RBBP8: variants seen among roughly 807,000 people sequenced by gnomAD.
The protein encoded by RBBP8 is DNA endonuclease RBBP8.
Under a neutral mutation model 108.3 loss-of-function variants are expected in RBBP8, and 88 were observed. That is an observed-to-expected ratio of 0.81 (90% CI 0.68 to 0.97). The LOEUF is 0.97. RBBP8 is among the 50% of genes least tolerant of loss of function. The pLI is 0.00. For missense variants in RBBP8, 1,023 were observed against 1,049.0 expected, an observed-to-expected ratio of 0.98 and a Z score of 0.34; for synonymous variants, 332 against 348.2, an observed-to-expected ratio of 0.95 and a Z score of 0.52.
intron 3 of RBBP8, among the ~76,000 whole-genome samples, chr18:22,926,958 T>C (rs1255715409): frequency 6.6e-6 from 1 of 152,208 alleles, no homozygotes; most frequent in African/African-American, 2.4e-5. Context: ...ACTCAAATCA[T>C]AAACAAAACA....
chr18:22,918,223 T>G (rs1188445767), intron 3 of RBBP8, among the ~76,000 whole-genome samples: 2 of 152,170 alleles, frequency 1.3e-5, no homozygotes, highest in African/African-American at 4.8e-5. Context: ...CATGGATAAT[T>G]CAAATTATAA....
chr18:22,925,044 T>A (rs1425537695), intron 3 of RBBP8, among the ~76,000 whole-genome samples: 1 of 152,048 alleles, frequency 6.6e-6, no homozygotes, highest in Non-Finnish European at 1.5e-5. Flanking sequence ...TGAACCCAGC[T>A]AGATTTATTT....
chr18:22,994,198 T>C (rs1005960162), intron 12 of RBBP8, among the ~76,000 whole-genome samples: 1 of 149,214 alleles, frequency 6.7e-6, no homozygotes, highest in Non-Finnish European at 1.5e-5. Context: ...TTTTTTTTTG[T>C]ATTTTTAGTA....
chr18:23,012,208 C>CAAAAAA (rs56096515), intron 16 of RBBP8, among the ~76,000 whole-genome samples: 1 of 109,620 alleles, frequency 9.1e-6, no homozygotes. Context: ...ATGCTGTCTC[C>CAAAAAA]AAAAAAAAAA....
At chr18:23,007,240 C>T (rs899101896) in intron 16 of RBBP8, among the ~76,000 whole-genome samples, 11 of 151,100 alleles carry the variant, frequency 7.3e-5, no homozygotes, top group Non-Finnish European at 1.6e-4. Flanking sequence ...AGGCTGGTCT[C>T]GAACTCCTGA....
At chr18:22,957,724 C>G (rs1466378974) in intron 4 of RBBP8, among the ~76,000 whole-genome samples, 2 of 152,118 alleles carry the variant, frequency 1.3e-5, no homozygotes, top group Non-Finnish European at 2.9e-5. Context: ...GAAACAGGAG[C>G]TAGCACATTT....
At chr18:22,923,695 C>A (rs1359370642) in intron 3 of RBBP8, among the ~76,000 whole-genome samples, 1 of 152,134 alleles carries the variant, frequency 6.6e-6, no homozygotes, top group East Asian at 1.9e-4. Context: ...TGGTTATATG[C>A]CAGCACTGAC....
intron 8 of RBBP8, among the ~76,000 whole-genome samples, chr18:22,985,342 T>C (rs1220972559): frequency 6.6e-6 from 1 of 152,192 alleles, no homozygotes; most frequent in Non-Finnish European, 1.5e-5. Flanking sequence ...ATAAAATTTA[T>C]GTCAGATAGA....
intron 2 of RBBP8, among the ~76,000 whole-genome samples, chr18:22,944,292 C>G (rs545277502): frequency 6.6e-6 from 1 of 152,300 alleles, no homozygotes; most frequent in East Asian, 1.9e-4. Context: ...AGTAGTTCTT[C>G]CCCTGTTTCC....
At chr18:23,022,646 T>TAAATAAAATAAAATAAAA (rs1437856449) in intron 18 of RBBP8, among the ~76,000 whole-genome samples, 1 of 29,088 alleles carries the variant, frequency 3.4e-5, no homozygotes, top group African/African-American at 9.1e-5. Context: ...ATAAATAAAA[T>TAAATAAAATAAAATAAAA]ACAATATAAA....
chr18:22,923,067 ATC>A (rs1909660326), intron 3 of RBBP8, among the ~76,000 whole-genome samples: 1 of 152,188 alleles, frequency 6.6e-6, no homozygotes, highest in Non-Finnish European at 1.5e-5. Context: ...CATTGAAGAG[ATC>A]TGATTAGCTG....
rs187876642 is a variant in RBBP8 at position 23,007,835 on chromosome 18, G to A, written c.2357+1403G>A. On this transcript the variant is annotated intron_variant, in intron 16 of 18. Coordinates refer to ENST00000327155, the MANE Select transcript of RBBP8 (RefSeq NM_002894.3). ...TTTTTTTGGTTTTTTTTTTTGAAAT[G>A]GAGTTTCGCTCTGGTTGCCCAGGCT... is the stretch of plus-strand genomic sequence containing the variant. Among the ~76,000 whole-genome samples, 667 of 148,688 alleles carry A rather than the reference G, an allele frequency of 4.5e-3. 4 individuals carry two copies. The highest frequency in any genetic ancestry group is 7.8e-3 in the Non-Finnish European group (525 of 67,252).
At chr18:22,964,279 G>A (rs189416370) in intron 4 of RBBP8, among the ~76,000 whole-genome samples, 2 of 151,366 alleles carry the variant, frequency 1.3e-5, no homozygotes, top group Admixed American at 6.6e-5. Context: ...TCTTCTGAAC[G>A]CTTATGGGCT....
In RBBP8 at chr18:22,994,857, C is replaced by G. The variant is rs549603522; in HGVS notation, c.1939+1010C>G. ...CCTCCCATCTCAGCCCCCTGGATAG[C>G]TGGGACTACAAGCATGCACCACCAC... On this transcript the variant is annotated intron_variant, in intron 12 of 18. Transcript: ENST00000327155. Among the ~76,000 whole-genome samples the G allele has an allele frequency of 1.5e-3, 231 of 151,838 alleles. 1 individual carries two copies. The highest frequency in any genetic ancestry group is 5.2e-3 in the African/African-American group (214 of 41,408).
rs1281127281 is a variant in RBBP8 at position 22,991,059 on chromosome 18, G to A, written c.920+10G>A. The A allele has an allele frequency of 1.3e-6, 2 of 1,580,590 alleles. No homozygotes were observed. The highest frequency in any genetic ancestry group is 1.7e-6 in the Non-Finnish European group (2 of 1,151,648). On this transcript the variant is annotated intron_variant, in intron 10 of 18. Coordinates refer to ENST00000327155, the MANE Select transcript of RBBP8 (RefSeq NM_002894.3). ...CTGAAGATAGTTTAAGGTAATTAAGGGCACGTTGGTGAAAACTGATAAGCT... is the reference window on the plus strand; with the variant it reads ...CTGAAGATAGTTTAAGGTAATTAAGAGCACGTTGGTGAAAACTGATAAGCT...
chr18:22,990,022 T>C (rs571495095), intron 9 of RBBP8, among the ~76,000 whole-genome samples: 2 of 152,354 alleles, frequency 1.3e-5, no homozygotes, highest in South Asian at 2.1e-4. Context: ...AATTAGTTTT[T>C]CATTACATAT....
chr18:22,990,973 C>CT lies in RBBP8; in HGVS notation c.845dup (p.Tyr283LeufsTer14). On this transcript the variant is annotated frameshift_variant, in exon 10 of 19. Transcript: ENST00000327155. LOFTEE classifies it high-confidence loss of function. ...TCCCATGAGCCCCCTTGGTGATGAGCTCTACCACTGTCTGGAAGGAAATCA... is the reference window on the plus strand; with the variant it reads ...TCCCATGAGCCCCCTTGGTGATGAGCTTCTACCACTGTCTGGAAGGAAATCA... 1.2e-6 allele frequency: 2 copies of CT among 1,613,756 alleles called. No individual in the cohort carries two copies. The highest frequency in any genetic ancestry group is 1.7e-6 in the Non-Finnish European group (2 of 1,179,770).
chr18:22,953,207 C>G (rs1912191848), intron 4 of RBBP8, among the ~76,000 whole-genome samples: 1 of 152,220 alleles, frequency 6.6e-6, no homozygotes, highest in Admixed American at 6.5e-5. Flanking sequence ...CATAGTTGCC[C>G]TGCTTTCCTC....
At chr18:22,937,129 T>G (rs1304621981) in intron 2 of RBBP8, 169 bp downstream of exon 2, 2 of 1,373,502 alleles carry the variant, frequency 1.5e-6, no homozygotes, top group Non-Finnish European at 1.9e-6. Context: ...GGGTTTGGTG[T>G]GCAAATGATT....
Sources: allele counts gnomAD v4.1 joint callset (sites outside exome capture counted in the v4.1 genomes callset), GRCh38; gene constraint gnomAD v4.1.1; transcripts MANE v1.5; gene names NCBI Gene and HGNC (gene_info 2026-07-23, HGNC 2026-07-21).